The following LRRC72 variants were observed in gnomAD, a reference collection of about 807,000 sequenced individuals.
The protein encoded by LRRC72 is leucine-rich repeat-containing protein 72.
Under a neutral mutation model 35.8 loss-of-function variants are expected in LRRC72, and 41 were observed. The ratio of observed to expected loss-of-function variants is 1.15; its 90% confidence interval spans 0.89 to 1.49. The LOEUF (loss-of-function observed/expected upper bound fraction) is 1.49. Ranked by LOEUF, LRRC72 falls within the 40% of genes most tolerant of loss-of-function variation. The pLI is 0.00. For synonymous variants in LRRC72, 118 were observed against 119.2 expected (o/e 0.99, Z 0.07); for missense variants, 389 against 330.7 (o/e 1.18, Z -1.37).
intron 7 of LRRC72, among the ~76,000 whole-genome samples, chr7:16,579,224 C>A (rs574347797): frequency 3.0e-4 from 45 of 152,210 alleles, no homozygotes; most frequent in African/African-American, 1.0e-3. Context: ...AAGTCGTACA[C>A]CTTAAATATA....
intron 7 of LRRC72, among the ~76,000 whole-genome samples, chr7:16,574,616 G>A (rs1330810155): frequency 6.6e-6 from 1 of 151,918 alleles, no homozygotes; most frequent in African/African-American, 2.4e-5. Flanking sequence ...CATGGACGCA[G>A]GGAGAGGAAC....
At chr7:16,570,209 T>G (rs1266920497) in intron 7 of LRRC72, among the ~76,000 whole-genome samples, 2 of 152,194 alleles carry the variant, frequency 1.3e-5, no homozygotes, top group Non-Finnish European at 2.9e-5. Context: ...ATAAACTTGG[T>G]CATAGAAATG....
chr7:16,559,925 G>A (rs1782717472), intron 5 of LRRC72, among the ~76,000 whole-genome samples: 1 of 151,368 alleles, frequency 6.6e-6, no homozygotes, highest in Admixed American at 6.6e-5. Flanking sequence ...TTCAACTGGA[G>A]GCCCAGCAAA....
At chr7:16,575,743 T>C (rs1783029009) in intron 7 of LRRC72, among the ~76,000 whole-genome samples, 1 of 152,194 alleles carries the variant, frequency 6.6e-6, no homozygotes, top group Non-Finnish European at 1.5e-5. Flanking sequence ...ATGGCCCAAA[T>C]GGAATGTTAT....
At chr7:16,574,280 C>T (rs960625879) in intron 7 of LRRC72, among the ~76,000 whole-genome samples, 8 of 152,078 alleles carry the variant, frequency 5.3e-5, no homozygotes, top group African/African-American at 1.9e-4. Flanking sequence ...ACAATTTGAC[C>T]CAGCAATCCC....
At chr7:16,528,471 T>C (rs927411277) in intron 1 of LRRC72, among the ~76,000 whole-genome samples, 7 of 152,124 alleles carry the variant, frequency 4.6e-5, no homozygotes, top group African/African-American at 1.7e-4. Flanking sequence ...CATCAAGTCA[T>C]CACATCATCA....
chr7:16,563,031 C>A (rs1050545482), intron 5 of LRRC72, among the ~76,000 whole-genome samples: 2 of 152,138 alleles, frequency 1.3e-5, no homozygotes, highest in African/African-American at 4.8e-5. Flanking sequence ...GACCCGGAGC[C>A]TCACAATCCT....
At chr7:16,561,340 T>C (rs1447747907) in intron 5 of LRRC72, among the ~76,000 whole-genome samples, 1 of 152,196 alleles carries the variant, frequency 6.6e-6, no homozygotes, top group African/African-American at 2.4e-5. Flanking sequence ...TGGAGAGTGG[T>C]AAACAAGCTT....
intron 1 of LRRC72, among the ~76,000 whole-genome samples, chr7:16,529,024 ATG>A (rs1198377244): frequency 6.6e-6 from 1 of 152,168 alleles, no homozygotes; most frequent in Non-Finnish European, 1.5e-5. Context: ...GTACATATAC[ATG>A]TGTTTATATA....
chr7:16,540,621 C>T (rs553992953), intron 3 of LRRC72, among the ~76,000 whole-genome samples: 7 of 152,262 alleles, frequency 4.6e-5, no homozygotes, highest in South Asian at 2.1e-4. Context: ...TCGTAATCCC[C>T]ACGTGTCAGG....
At chr7:16,542,844 G>A (rs910077592) in intron 3 of LRRC72, among the ~76,000 whole-genome samples, 2 of 152,090 alleles carry the variant, frequency 1.3e-5, no homozygotes, top group African/African-American at 4.8e-5. Context: ...TTTTCCCTTT[G>A]GCTTAGTGCT....
At chr7:16,566,151 G>T (rs939335729) in intron 5 of LRRC72, among the ~76,000 whole-genome samples, 162 bp from the exon 6 acceptor site, 2 of 152,156 alleles carry the variant, frequency 1.3e-5, no homozygotes, top group Non-Finnish European at 2.9e-5. Context: ...AAAATTAACT[G>T]GTGCTCTAAG....
intron 7 of LRRC72, among the ~76,000 whole-genome samples, chr7:16,574,339 C>A (rs1303737994): frequency 6.6e-6 from 1 of 152,156 alleles, no homozygotes; most frequent in Non-Finnish European, 1.5e-5. Flanking sequence ...ACTATAAAGA[C>A]ACATGCACAC....
At chr7:16,571,619 G>T (rs1280856941) in intron 7 of LRRC72, among the ~76,000 whole-genome samples, 1 of 152,160 alleles carries the variant, frequency 6.6e-6, no homozygotes, top group Admixed American at 6.5e-5. Flanking sequence ...CTATCCAAGG[G>T]AAGCCATGAG....
At chr7:16,535,061 C>A (rs916687710) in intron 2 of LRRC72, among the ~76,000 whole-genome samples, 1 of 152,010 alleles carries the variant, frequency 6.6e-6, no homozygotes, top group Admixed American at 6.5e-5. Flanking sequence ...TGGTGGCATG[C>A]ACCTGTGGTC....
intron 1 of LRRC72, among the ~76,000 whole-genome samples, chr7:16,531,785 A>T (rs1782169348): frequency 6.6e-6 from 1 of 152,200 alleles, no homozygotes; most frequent in East Asian, 1.9e-4. Context: ...AAAGGACTTT[A>T]AGAAAAAAAA....
Position 16,557,438 on chromosome 7 carries a change from GA to G in LRRC72, c.315del (p.Gly106ValfsTer18). The G allele has an allele frequency of 8.2e-7, 1 of 1,215,638 alleles. No individual in the cohort carries two copies. Among genetic ancestry groups the G allele is most frequent in the Non-Finnish European group, 1.1e-6 (1 of 921,276 alleles). 75.3% of individuals were successfully genotyped at this position (1,215,638 alleles called of 1,614,324 possible). On this transcript the variant is annotated frameshift_variant and splice_region_variant, in exon 4 of 9. Coordinates refer to ENST00000401542, the MANE Select transcript of LRRC72 (RefSeq NM_001195280.2). LOFTEE classifies it high-confidence loss of function. The stretch of plus-strand genomic sequence containing the variant: ...AAACAACAATGCAATATTTGAGATA[GA>G]AGGTACGTCTTAAATTCTCTGTTGA... ...YLNNNAIFEI[E>X]GLHYLPSLHI...
intron 3 of LRRC72, among the ~76,000 whole-genome samples, chr7:16,544,351 T>C (rs1351446238): frequency 1.3e-5 from 2 of 152,226 alleles, no homozygotes; most frequent in African/African-American, 4.8e-5. Context: ...TTGGCAACTC[T>C]AGTTCTTTCA....
At chr7:16,532,078 C>G (rs549410440) in intron 1 of LRRC72, among the ~76,000 whole-genome samples, 75 of 152,222 alleles carry the variant, frequency 4.9e-4, no homozygotes, top group Non-Finnish European at 8.2e-4. Flanking sequence ...ACATTTTATC[C>G]TACTCTCTCC....
Sources: allele counts gnomAD v4.1 joint callset (sites outside exome capture counted in the v4.1 genomes callset), GRCh38; gene constraint gnomAD v4.1.1; transcripts MANE v1.5; gene names NCBI Gene and HGNC (gene_info 2026-07-23, HGNC 2026-07-21).